Variants in FYB1 observed in about 807,000 individuals in gnomAD.
FYB1 encodes FYN binding protein 1.
FYB1 carries 41 observed loss-of-function variants against 94.1 expected under a neutral mutation model. The ratio of observed to expected loss-of-function variants is 0.44; its 90% CI spans 0.34 to 0.57. FYB1 has a LOEUF of 0.57. Among genes scored for constraint, FYB1 ranks in the 20% least tolerant of loss-of-function variants. The pLI is 0.02. For synonymous variants in FYB1, 367 were observed against 353.2 expected (o/e 1.04, Z -0.44); for missense variants, 1,050 against 976.8 (o/e 1.07, Z -1.00).
intron 10 of FYB1, 58 bp downstream of exon 10, chr5:39,130,532 A>G: frequency 7.3e-7 from 1 of 1,366,556 alleles, no homozygotes; most frequent in Non-Finnish European, 1.0e-6. Flanking sequence ...TGCTCCATAA[A>G]TACATGCCAA....
chr5:39,209,989 G>T (rs1749214376), intron 1 of FYB1, among the ~76,000 whole-genome samples: 1 of 152,230 alleles, frequency 6.6e-6, no homozygotes, highest in Non-Finnish European at 1.5e-5. Context: ...GGAGGCTGGA[G>T]AGAGCACCAG....
intron 1 of FYB1, among the ~76,000 whole-genome samples, chr5:39,266,964 C>T (rs188256182): frequency 4.1e-4 from 63 of 152,172 alleles, no homozygotes; most frequent in African/African-American, 8.9e-4. Context: ...TTTTCTGAGA[C>T]GTAACAAAAT....
chr5:39,130,550 AT>A, intron 10 of FYB1, 39 bp downstream of exon 10: 1 of 1,509,886 alleles, frequency 6.6e-7, no homozygotes, highest in East Asian at 2.4e-5. Flanking sequence ...CAATATATGT[AT>A]CAATTGTAAA....
intron 9 of FYB1, among the ~76,000 whole-genome samples, chr5:39,131,289 G>C (rs1308110242): frequency 6.6e-6 from 1 of 152,114 alleles, no homozygotes; most frequent in Non-Finnish European, 1.5e-5. Context: ...AATGTAGACT[G>C]TGAGAATGGA....
Position 39,121,235 on chromosome 5 carries a change from C to T in FYB1, c.2138+1101G>A, listed in dbSNP as rs545433065. On this transcript the variant is annotated intron_variant, in intron 14 of 18. Coordinates refer to ENST00000512982, the MANE Select transcript of FYB1 (RefSeq NM_001465.6). ...TAACAACTGTCAAGGGTTGAAACAC[C>T]ACTGGTGAGAAATAGTAAAACCTGA... Among the ~76,000 whole-genome samples the T allele has an allele frequency of 9.6e-5, 14 of 146,468 alleles. No homozygotes were observed. In the South Asian group the frequency reaches 2.6e-3, roughly 27 times the overall value.
At chr5:39,129,631 A>T (rs1004768734) in intron 10 of FYB1, among the ~76,000 whole-genome samples, 1 of 152,090 alleles carries the variant, frequency 6.6e-6, no homozygotes, top group Non-Finnish European at 1.5e-5. Context: ...AAACAATCCC[A>T]TAAAAAGGTG....
intron 1 of FYB1, among the ~76,000 whole-genome samples, chr5:39,216,156 A>T (rs754521074): frequency 1.1e-4 from 17 of 152,142 alleles, no homozygotes; most frequent in Non-Finnish European, 2.2e-4. Flanking sequence ...GAGGGAGAAT[A>T]GATTTCTGTT....
At chr5:39,160,040 A>G (rs1050700330) in intron 2 of FYB1, among the ~76,000 whole-genome samples, 1 of 152,144 alleles carries the variant, frequency 6.6e-6, no homozygotes, top group African/African-American at 2.4e-5. Flanking sequence ...TGCTACTTCT[A>G]TATCTTAAAT....
chr5:39,204,816 T>C (rs1295888955), intron 1 of FYB1, among the ~76,000 whole-genome samples: 1 of 152,220 alleles, frequency 6.6e-6, no homozygotes, highest in Admixed American at 6.5e-5. Flanking sequence ...ACAGAAAAGC[T>C]AACACAGAGC....
chr5:39,233,775 A>G (rs1181064193), intron 1 of FYB1, among the ~76,000 whole-genome samples: 1 of 152,138 alleles, frequency 6.6e-6, no homozygotes, highest in Non-Finnish European at 1.5e-5. Flanking sequence ...ATATGGCCTC[A>G]TACAGACATG....
At chr5:39,251,184 C>T (rs765002637) in intron 1 of FYB1, among the ~76,000 whole-genome samples, 1 of 152,094 alleles carries the variant, frequency 6.6e-6, no homozygotes, top group Non-Finnish European at 1.5e-5. Context: ...GGCCTGTGAT[C>T]TGCAACAGTG....
chr5:39,148,397 T>TTTTTTTTG (rs1742959345), intron 3 of FYB1, among the ~76,000 whole-genome samples: 1 of 103,014 alleles, frequency 9.7e-6, no homozygotes, highest in African/African-American at 4.9e-5. Context: ...TTTTTTTTTT[T>TTTTTTTTG]TTTTTTTTTT....
intron 2 of FYB1, among the ~76,000 whole-genome samples, chr5:39,167,058 A>G (rs1168581997): frequency 6.6e-6 from 1 of 152,220 alleles, no homozygotes; most frequent in Non-Finnish European, 1.5e-5. Context: ...AAGTTGGTGC[A>G]AAGGTAATTG....
chr5:39,145,272 C>A (rs924623235), intron 3 of FYB1, among the ~76,000 whole-genome samples: 2 of 152,058 alleles, frequency 1.3e-5, no homozygotes, highest in African/African-American at 4.8e-5. Flanking sequence ...TTATGAGAGT[C>A]ATTTAAATTC....
chr5:39,185,631 T>C (rs28379104), intron 2 of FYB1, among the ~76,000 whole-genome samples: 3 of 147,184 alleles, frequency 2.0e-5, no homozygotes, highest in African/African-American at 7.5e-5. Flanking sequence ...TACACACATA[T>C]ATATATATAT....
At chr5:39,246,688 G>A (rs1482157802) in intron 1 of FYB1, among the ~76,000 whole-genome samples, 1 of 152,152 alleles carries the variant, frequency 6.6e-6, no homozygotes, top group African/African-American at 2.4e-5. Flanking sequence ...AACAAGTCCA[G>A]GTTAGACAAT....
intron 2 of FYB1, among the ~76,000 whole-genome samples, chr5:39,154,927 C>T (rs746885578): frequency 6.6e-6 from 1 of 152,110 alleles, no homozygotes; most frequent in Non-Finnish European, 1.5e-5. Flanking sequence ...AATACTTTGC[C>T]TATTTCAAAA....
Position 39,126,998 on chromosome 5 carries a change from C to T in FYB1, c.1907+743G>A, listed in dbSNP as rs184681830. On this transcript the variant is annotated intron_variant, in intron 11 of 18. Coordinates refer to ENST00000512982, the MANE Select transcript of FYB1 (RefSeq NM_001465.6). ...ATTTGAACCTGGGAGGCAGAGATTG[C>T]GGTGAGCCGAGATCGTGCCATTGCA... 3.9e-3 allele frequency among the ~76,000 whole-genome samples: 519 copies of T among 133,932 alleles called. 3 individuals are homozygous for T. The highest frequency in any genetic ancestry group is 0.013 in the African/African-American group (466 of 35,542). 87.9% of individuals were successfully genotyped at this position (133,932 alleles called of 152,430 possible).
intron 3 of FYB1, among the ~76,000 whole-genome samples, chr5:39,147,452 C>CTGTGTGTGTGTGTGTGTGTGTG (rs71606520): frequency 2.8e-5 from 4 of 144,516 alleles, no homozygotes; most frequent in African/African-American, 5.2e-5. Flanking sequence ...GTACATATGC[C>CTGTGTGTGTGTGTGTGTGTGTG]TGTGTGTGTG....
Sources: gnomAD v4.1 joint callset for allele counts (sites outside exome capture counted in the v4.1 genomes callset) on GRCh38, gnomAD v4.1.1 for gene constraint, MANE v1.5 for transcripts, NCBI Gene and HGNC (gene_info 2026-07-23, HGNC 2026-07-21) for gene names.